PRKN: variants seen among roughly 807,000 people sequenced by gnomAD.
PRKN encodes parkin RBR E3 ubiquitin protein ligase.
Under a neutral mutation model 59.5 loss-of-function variants are expected in PRKN, and 56 were observed. The ratio of observed to expected loss-of-function variants is 0.94; its 90% CI spans 0.76 to 1.18. The LOEUF (loss-of-function observed/expected upper bound fraction) is 1.18, where lower values mean the gene tolerates loss of function less well. Among genes scored for constraint, PRKN ranks in the 50% most tolerant of loss-of-function variants. The pLI, the probability that PRKN is intolerant of heterozygous loss-of-function variation, is 0.00. For synonymous variants in PRKN, 250 were observed against 222.1 expected, an observed-to-expected ratio of 1.13 and a Z score of -1.12; for missense variants, 657 against 596.4, an observed-to-expected ratio of 1.10 and a Z score of -1.06.
At chr6:162,261,548 G>A (rs1046202046) in intron 3 of PRKN, among the ~76,000 whole-genome samples, 11 of 152,084 alleles carry the variant, frequency 7.2e-5, no homozygotes, top group Non-Finnish European at 1.6e-4. Context: ...GGTCACAAGA[G>A]TATTGCAGGG....
At chr6:161,687,388 C>CAAAAAAAAAAA (rs1192587302) in intron 7 of PRKN, among the ~76,000 whole-genome samples, 1 of 51,558 alleles carries the variant, frequency 1.9e-5, no homozygotes, top group Non-Finnish European at 3.2e-5. Flanking sequence ...GACTCCATCT[C>CAAAAAAAAAAA]AAAAAAAAAA....
rs540095036 is a variant in PRKN at position 161,549,501 on chromosome 6, G to C, written c.934-498C>G. Among the ~76,000 whole-genome samples the C allele has an allele frequency of 6.5e-4, 99 of 152,174 alleles. No individual in the cohort carries two copies. The highest frequency in any genetic ancestry group is 1.0e-3 in the Non-Finnish European group (69 of 68,006). On this transcript the variant is annotated intron_variant, in intron 8 of 11. Coordinates refer to ENST00000366898, the MANE Select transcript of PRKN (RefSeq NM_004562.3). The surrounding 1 kb of genome is among the most constrained non-coding windows in gnomAD (Gnocchi z 6.0). Reference sequence around the variant, plus strand: ...AGCATTCCACCTCATAATATTGGCAGCCCACACAATATCAATGAGCTAGAA... The same window carrying C: ...AGCATTCCACCTCATAATATTGGCACCCCACACAATATCAATGAGCTAGAA...
chr6:162,611,607 A>G (rs534667538), intron 1 of PRKN, among the ~76,000 whole-genome samples: 2 of 152,270 alleles, frequency 1.3e-5, no homozygotes, highest in South Asian at 4.1e-4. Flanking sequence ...GGACACACAC[A>G]CTGAGGGACA....
intron 9 of PRKN, among the ~76,000 whole-genome samples, chr6:161,398,318 G>A (rs1375638488): frequency 6.6e-6 from 1 of 152,160 alleles, no homozygotes. Flanking sequence ...GCCCATCCAT[G>A]TTGATAACTA....
intron 1 of PRKN, among the ~76,000 whole-genome samples, chr6:162,478,645 G>T (rs1306134177): frequency 6.6e-6 from 1 of 152,174 alleles, no homozygotes; most frequent in Non-Finnish European, 1.5e-5. Flanking sequence ...GAATTGCGTT[G>T]TTAGGGGATT....
rs999049512 is a variant in PRKN at position 161,461,850 on chromosome 6, T to C, written c.1084-74973A>G. Among the ~76,000 whole-genome samples the C allele has an allele frequency of 6.6e-6, 1 of 152,108 alleles. No homozygotes were observed. The highest frequency in any genetic ancestry group is 1.9e-4 in the East Asian group (1 of 5,180). Reference sequence around the variant, plus strand: ...AATGGTCTAGTTAGAGACACAGACTTGGGGCCTATCAACTATAGGCAGTCA... The same window carrying C: ...AATGGTCTAGTTAGAGACACAGACTCGGGGCCTATCAACTATAGGCAGTCA... On this transcript the variant is annotated intron_variant, in intron 9 of 11. Coordinates refer to ENST00000366898, the MANE Select transcript of PRKN (RefSeq NM_004562.3). This position sits in a 1 kb window ranked among gnomAD's most constrained non-coding sequence, Gnocchi z 5.1.
chr6:162,404,379 A>AAAAG (rs541062206), intron 2 of PRKN, among the ~76,000 whole-genome samples: 5 of 151,808 alleles, frequency 3.3e-5, no homozygotes, highest in South Asian at 4.2e-4. Context: ...GAAAAAAAAA[A>AAAAG]AAAGAAAGAA....
At chr6:161,687,102 A>C (rs1356092228) in intron 7 of PRKN, among the ~76,000 whole-genome samples, 1 of 151,856 alleles carries the variant, frequency 6.6e-6, no homozygotes, top group Non-Finnish European at 1.5e-5. Flanking sequence ...AGAATACAAC[A>C]CTGGCCAGTC....
intron 7 of PRKN, among the ~76,000 whole-genome samples, chr6:161,694,798 TAAGG>T (rs36104413): frequency 0.054 from 8,224 of 152,206 alleles, 367 homozygotes; most frequent in African/African-American, 0.12. Context: ...CAATGCAAAC[TAAGG>T]AAGAATTCTC....
At position 161,376,086 on chromosome 6, in the gene PRKN, T is replaced by C. The variant is rs1412312786; in HGVS notation, c.1167+10708A>G. On this transcript the variant is annotated intron_variant, in intron 10 of 11. Transcript: ENST00000366898. The surrounding 1 kb of genome is among the most constrained non-coding windows in gnomAD (Gnocchi z 7.3). Reference sequence around the variant, plus strand: ...GCTGAGAGACGGCTCTGCGGTGAGATGCTGGGGCAAAATAGATCAAAAAAG... The same window carrying C: ...GCTGAGAGACGGCTCTGCGGTGAGACGCTGGGGCAAAATAGATCAAAAAAG... Among the ~76,000 whole-genome samples, 1 of 152,196 alleles carries C rather than the reference T, an allele frequency of 6.6e-6. No homozygotes were observed. The highest frequency in any genetic ancestry group is 2.4e-5 in the African/African-American group (1 of 41,456).
chr6:162,049,644 T>C (rs1777542124), intron 5 of PRKN, among the ~76,000 whole-genome samples: 1 of 152,232 alleles, frequency 6.6e-6, no homozygotes, highest in Non-Finnish European at 1.5e-5. Flanking sequence ...ACACTCCAAA[T>C]ATCTGCTATG....
chr6:162,436,254 A>G (rs1789765555), intron 2 of PRKN, among the ~76,000 whole-genome samples: 1 of 151,776 alleles, frequency 6.6e-6, no homozygotes, highest in Admixed American at 6.6e-5. Flanking sequence ...AATTTAGTTC[A>G]GAAATGAAGC....
At chr6:162,081,520 G>A (rs1038610000) in intron 4 of PRKN, among the ~76,000 whole-genome samples, 2 of 151,962 alleles carry the variant, frequency 1.3e-5, no homozygotes, top group East Asian at 1.9e-4. Flanking sequence ...GTTTTTTCCC[G>A]AGCAGTGGGT....
chr6:162,100,385 T>G (rs1411902593), intron 4 of PRKN, among the ~76,000 whole-genome samples: 1 of 152,152 alleles, frequency 6.6e-6, no homozygotes, highest in Non-Finnish European at 1.5e-5. Context: ...CCACCAACAG[T>G]GTACAAGGCT....
chr6:161,682,927 C>T lies in PRKN; in HGVS notation c.871+102845G>A, dbSNP rs192484359. Among the ~76,000 whole-genome samples the T allele has an allele frequency of 8.5e-5, 13 of 152,286 alleles. No homozygotes were observed. The East Asian group carries it at 2.5e-3, about 29-fold the overall frequency. ...TGGCCCAATGGAGACTGCACTGTCTCCCGGCAAGGCTGCTGGGCAGCTCAC... is the reference window on the plus strand; with the variant it reads ...TGGCCCAATGGAGACTGCACTGTCTTCCGGCAAGGCTGCTGGGCAGCTCAC... On this transcript the variant is annotated intron_variant, in intron 7 of 11. Coordinates refer to ENST00000366898, the MANE Select transcript of PRKN (RefSeq NM_004562.3).
At chr6:162,219,333 C>T (rs1307298303) in intron 3 of PRKN, among the ~76,000 whole-genome samples, 2 of 152,190 alleles carry the variant, frequency 1.3e-5, no homozygotes, top group African/African-American at 2.4e-5. Context: ...AGGTGACTCC[C>T]TGTCTAGAAA....
chr6:162,031,898 C>T (rs1228763401), intron 5 of PRKN, among the ~76,000 whole-genome samples: 1 of 152,136 alleles, frequency 6.6e-6, no homozygotes, highest in African/African-American at 2.4e-5. Flanking sequence ...GAAAGAAATA[C>T]CATGTCAAGA....
In PRKN at chr6:161,361,923, A is replaced by G. The variant is rs1299161013; in HGVS notation, c.1168-1718T>C. ...ATGGCACGCCTTCCAGTCACCACAG[A>G]GTCTTGGGTGGTCCTAACCGTCAGT... On this transcript the variant is annotated intron_variant, in intron 10 of 11. Transcript: ENST00000366898. The surrounding 1 kb of genome is among the most constrained non-coding windows in gnomAD (Gnocchi z 5.2). Among the ~76,000 whole-genome samples, 1 of 152,028 alleles carries G rather than the reference A, an allele frequency of 6.6e-6. No individual in the cohort carries two copies. The highest frequency in any genetic ancestry group is 1.5e-5 in the Non-Finnish European group (1 of 68,008).
chr6:162,545,915 T>TTAA, intron 1 of PRKN, among the ~76,000 whole-genome samples: 1 of 152,088 alleles, frequency 6.6e-6, no homozygotes, highest in Non-Finnish European at 1.5e-5. Flanking sequence ...ATGTAACAGG[T>TTAA]GACTTAGTTC....
Sources: allele counts gnomAD v4.1 joint callset (sites outside exome capture counted in the v4.1 genomes callset), GRCh38; gene constraint gnomAD v4.1.1; non-coding constraint Gnocchi (gnomAD v3.1); transcripts MANE v1.5; gene names NCBI Gene and HGNC (gene_info 2026-07-23, HGNC 2026-07-21).